Variants in ASH1L observed in about 807,000 individuals in gnomAD.
ASH1L encodes the protein histone-lysine N-methyltransferase ASH1L.
Under a neutral mutation model 269.0 loss-of-function variants are expected in ASH1L, and 23 were observed. The ratio of observed to expected loss-of-function variants is 0.09; its 90% CI spans 0.06 to 0.12. The LOEUF (loss-of-function observed/expected upper bound fraction) is 0.12, where lower values mean the gene tolerates loss of function less well. ASH1L is among the 10% of genes least tolerant of loss of function. ASH1L has a pLI of 1.00. For synonymous variants in ASH1L, 1,187 were observed against 1,253.5 expected (o/e 0.95, Z 1.12); for missense variants, 2,912 against 3,567.8 (o/e 0.82, Z 4.68).
chr1:155,411,032 T>C lies in ASH1L; in HGVS notation c.6008+4712A>G, dbSNP rs146976882. The stretch of plus-strand genomic sequence containing the variant: ...AGTAACTACGGACTTTGGGTAATAA[T>C]GGTATATCAATGTAGGTACATGGAT... On this transcript the variant is annotated intron_variant, in intron 6 of 27. Transcript: ENST00000392403. Among the ~76,000 whole-genome samples, 8 of 152,310 alleles carry C rather than the reference T, an allele frequency of 5.3e-5. No individual in the cohort carries two copies. In the East Asian group the frequency reaches 1.2e-3, roughly 22 times the overall value.
rs766749755 is a variant in ASH1L at position 155,343,399 on chromosome 1, T to C, written c.8208A>G (p.Leu2736=). The C allele has an allele frequency of 3.7e-6, 6 of 1,614,178 alleles. No homozygotes were observed. The highest frequency in any genetic ancestry group is 5.1e-6 in the Non-Finnish European group (6 of 1,180,038). ...TGATCTCATAGAGTGGCACCCGAAA[T>C]AGTTCATTATGATAGAACCGACGGG... ...SPSRRFYHNE[L]FRVPLYEIIP... Residue 2736 remains leucine (L), a synonymous_variant, in exon 24 of 28, where the codon CTA becomes CTG. Transcript: ENST00000392403. The surrounding 1 kb of genome is among the most constrained non-coding windows in gnomAD (Gnocchi z 6.1).
chr1:155,490,968 CAAAAAAAAAAAAAAAAAAAAAAAAAAA>C (rs767615285), intron 2 of ASH1L, among the ~76,000 whole-genome samples: 2,670 of 61,400 alleles, frequency 0.043, 94 homozygotes, highest in Admixed American at 0.076. Context: ...ACCCTGATTC[CAAAAAAAAAAAAAAAAAAAAAAAAAAA>C]AAAAAAAAAA....
In ASH1L at chr1:155,335,333, T is replaced by C. The variant is rs934888769; in HGVS notation, c.*2327A>G. On this transcript the variant is annotated 3_prime_UTR_variant, in exon 28 of 28. Coordinates refer to ENST00000392403, the MANE Select transcript of ASH1L (RefSeq NM_018489.3). ...ATTGAGATGCAAGCTTTGTATGCAA[T>C]TACATCCAATGTTAAAATTGGTAAT... 6.5e-6 allele frequency: 1 copy of C among 152,790 alleles called. No homozygotes were observed. The highest frequency in any genetic ancestry group is 2.4e-5 in the African/African-American group (1 of 41,454). 9.5% of individuals were successfully genotyped at this position (152,790 alleles called of 1,614,324 possible). A position where few individuals can be genotyped will look rare whatever the true frequency, so the allele number is the denominator to read the frequency against.
chr1:155,349,921 G>A (rs1287078998), intron 17 of ASH1L, among the ~76,000 whole-genome samples: 20 of 128,098 alleles, frequency 1.6e-4, no homozygotes, highest in African/African-American at 4.8e-4. Flanking sequence ...CAAGAGTTTC[G>A]CTCTGTTGCC....
chr1:155,379,968 A>AG, intron 8 of ASH1L, 75 bp downstream of exon 8: 1 of 1,071,344 alleles, frequency 9.3e-7, no homozygotes, highest in South Asian at 1.3e-5. Context: ...ACAAGGGGAG[A>AG]GAAAAACACT....
Position 155,560,144 on chromosome 1 carries a change from G to A in ASH1L, c.-100+2009C>T, listed in dbSNP as rs144701651. 3.2e-3 allele frequency among the ~76,000 whole-genome samples: 491 copies of A among 152,224 alleles called. 2 individuals carry two copies. The highest frequency in any genetic ancestry group is 0.011 in the African/African-American group (465 of 41,544). ...ATCCACACACCCGAACAATGAAAATGAAAGGTTTTCAAATGAGACCTAAAT... is the reference window on the plus strand; with the variant it reads ...ATCCACACACCCGAACAATGAAAATAAAAGGTTTTCAAATGAGACCTAAAT... On this transcript the variant is annotated intron_variant, in intron 1 of 27. Coordinates refer to ENST00000392403, the MANE Select transcript of ASH1L (RefSeq NM_018489.3).
rs555081221 is a variant in ASH1L at position 155,426,340 on chromosome 1, G to A, written c.5829-10417C>T. 2.0e-3 allele frequency among the ~76,000 whole-genome samples: 307 copies of A among 152,060 alleles called. 2 individuals carry two copies. The highest frequency in any genetic ancestry group is 1.4e-3 in the Non-Finnish European group (98 of 67,984). ...CTGCCTTGGCCTCCCAAAGTGCTAGGATTACAGGCATGAGCCACCGCACCC... is the reference window on the plus strand; with the variant it reads ...CTGCCTTGGCCTCCCAAAGTGCTAGAATTACAGGCATGAGCCACCGCACCC... On this transcript the variant is annotated intron_variant, in intron 5 of 27. Coordinates refer to ENST00000392403, the MANE Select transcript of ASH1L (RefSeq NM_018489.3).
At chr1:155,362,182 G>A (rs1010620802) in intron 12 of ASH1L, among the ~76,000 whole-genome samples, 1 of 151,862 alleles carries the variant, frequency 6.6e-6, no homozygotes, top group African/African-American at 2.4e-5. Context: ...ATATAGGCAC[G>A]TGCCACCACG....
chr1:155,519,658 T>C (rs1233288107), intron 2 of ASH1L, among the ~76,000 whole-genome samples: 2 of 151,964 alleles, frequency 1.3e-5, no homozygotes, highest in African/African-American at 4.8e-5. Context: ...AAAAGTACAT[T>C]AGAATTTTTT....
chr1:155,460,653 T>G (rs921896355), intron 3 of ASH1L, among the ~76,000 whole-genome samples: 2 of 152,008 alleles, frequency 1.3e-5, no homozygotes, highest in African/African-American at 4.8e-5. Context: ...ACACATCCTA[T>G]CCAATTCACA....
chr1:155,404,056 C>CA (rs1265354613), intron 6 of ASH1L, among the ~76,000 whole-genome samples: 1,567 of 69,554 alleles, frequency 0.023, 20 homozygotes, highest in South Asian at 0.11. Flanking sequence ...AACTCCGTCT[C>CA]AAAAAAAAAA....
intron 12 of ASH1L, among the ~76,000 whole-genome samples, chr1:155,364,004 T>C (rs1302547923): frequency 6.7e-6 from 1 of 148,984 alleles, no homozygotes; most frequent in Non-Finnish European, 1.5e-5. Context: ...CAAAAAAAGG[T>C]ATCTTCTGGC....
chr1:155,558,833 T>TAGGCCCC (rs1174939567), intron 1 of ASH1L, among the ~76,000 whole-genome samples: 9 of 150,096 alleles, frequency 6.0e-5, no homozygotes, highest in African/African-American at 2.2e-4. Context: ...TGCCAGGCCC[T>TAGGCCCC]AGGCCCCTTT....
In ASH1L at chr1:155,337,578, CCT is replaced by C. The variant is rs1314144826; in HGVS notation, c.*80_*81del. ...CTTGCCCAGATGGACCCTTCCCACC[CCT>C]GTCTATACCCAGAGAGCAGGAGGCA... On this transcript the variant is annotated 3_prime_UTR_variant, in exon 28 of 28. Coordinates refer to ENST00000392403, the MANE Select transcript of ASH1L (RefSeq NM_018489.3). The C allele has an allele frequency of 9.1e-6, 11 of 1,205,474 alleles. No homozygotes were observed. The highest frequency in any genetic ancestry group is 4.5e-5 in the African/African-American group (3 of 66,928). The allele number at this position is 1,205,474 out of a possible 1,614,324, so 74.7% of individuals were successfully genotyped here.
At chr1:155,433,840 A>C in intron 5 of ASH1L, 1 of 1,607,216 alleles carries the variant, frequency 6.2e-7, no homozygotes, top group Non-Finnish European at 8.5e-7. Context: ...TTCAGGAGAC[A>C]TGCAAAGCAG....
At chr1:155,394,056 G>A (rs1193600892) in intron 7 of ASH1L, among the ~76,000 whole-genome samples, 1 of 152,134 alleles carries the variant, frequency 6.6e-6, no homozygotes, top group Admixed American at 6.5e-5. Context: ...CTCTTTTGAT[G>A]AGACTATCAG....
chr1:155,477,452 T>A (rs1160783518), intron 3 of ASH1L, among the ~76,000 whole-genome samples: 1 of 150,960 alleles, frequency 6.6e-6, no homozygotes, highest in Non-Finnish European at 1.5e-5. Context: ...GTAACAAAGA[T>A]GCATTTATAA....
intron 4 of ASH1L, among the ~76,000 whole-genome samples, chr1:155,448,589 A>T (rs1044314828): frequency 1.3e-5 from 2 of 151,794 alleles, no homozygotes; most frequent in African/African-American, 4.8e-5. Context: ...TCTGCCTCCC[A>T]GTTCAAGCAA....
At chr1:155,397,912 A>T (rs561822618) in intron 6 of ASH1L, among the ~76,000 whole-genome samples, 1 of 152,182 alleles carries the variant, frequency 6.6e-6, no homozygotes, top group Admixed American at 6.5e-5. Flanking sequence ...GTGCTTTAGG[A>T]AAATATTAAA....
Sources: allele counts gnomAD v4.1 joint callset (sites outside exome capture counted in the v4.1 genomes callset), GRCh38; gene constraint gnomAD v4.1.1; non-coding constraint Gnocchi (gnomAD v3.1); transcripts MANE v1.5; gene names NCBI Gene and HGNC (gene_info 2026-07-23, HGNC 2026-07-21).